SPOPL: variants seen among roughly 807,000 people sequenced by gnomAD.
SPOPL encodes the protein speckle type BTB/POZ protein like, also known as speckle-type POZ protein-like.
In SPOPL, 23 loss-of-function variants were observed where a neutral mutation model predicts 53.8. The observed-to-expected ratio is 0.43, with a 90% CI of 0.31 to 0.61. The LOEUF (loss-of-function observed/expected upper bound fraction) is 0.61, where lower values mean the gene tolerates loss of function less well. SPOPL is among the 20% of genes least tolerant of loss of function. SPOPL has a pLI of 0.12. For missense variants in SPOPL, 442 were observed against 466.9 expected (o/e 0.95, Z 0.49); for synonymous variants, 164 against 149.7 (o/e 1.10, Z -0.70).
At chr2:138,522,696 A>G (rs190551539) in intron 1 of SPOPL, among the ~76,000 whole-genome samples, 1 of 152,078 alleles carries the variant, frequency 6.6e-6, no homozygotes, top group Admixed American at 6.5e-5. Context: ...TCTTTTCTAT[A>G]GCAGTGGTGT....
At chr2:138,526,822 G>A (rs568233601) in intron 1 of SPOPL, among the ~76,000 whole-genome samples, 1 of 151,878 alleles carries the variant, frequency 6.6e-6, no homozygotes, top group African/African-American at 2.4e-5. Context: ...CACCTCCTGG[G>A]TTCAAACAAT....
chr2:138,518,682 CTT>C (rs1324953188), intron 1 of SPOPL, among the ~76,000 whole-genome samples: 1 of 152,164 alleles, frequency 6.6e-6, no homozygotes, highest in East Asian at 1.9e-4. Flanking sequence ...ATCAATCTGT[CTT>C]TTTCCAACTG....
chr2:138,516,489 G>T (rs1283090873), intron 1 of SPOPL, among the ~76,000 whole-genome samples: 3 of 152,196 alleles, frequency 2.0e-5, no homozygotes, highest in African/African-American at 7.2e-5. Flanking sequence ...GGAAAAGATT[G>T]CTATAATGTT....
At chr2:138,514,666 T>C (rs1439952037) in intron 1 of SPOPL, among the ~76,000 whole-genome samples, 1 of 152,182 alleles carries the variant, frequency 6.6e-6, no homozygotes, top group Non-Finnish European at 1.5e-5. Flanking sequence ...AATATCCTTG[T>C]ATTCCTGTCT....
At chr2:138,527,606 A>G (rs1280374414) in intron 1 of SPOPL, among the ~76,000 whole-genome samples, 4 of 152,192 alleles carry the variant, frequency 2.6e-5, no homozygotes, top group African/African-American at 7.2e-5. Context: ...GAAATTTTTT[A>G]AAAGTATACC....
rs771822816 is a variant in SPOPL, at chr2:138,570,808, G to A, written c.*1728G>A. The A allele has an allele frequency of 4.6e-5, 7 of 152,040 alleles. No individual in the cohort carries two copies. The highest frequency in any genetic ancestry group is 1.0e-4 in the Non-Finnish European group (7 of 67,982). The allele number at this position is 152,040 out of a possible 1,614,324, so 9.4% of individuals were successfully genotyped here. Reference sequence around the variant, plus strand: ...ATTCGAATATGTCCAGATTCATTTGGATTCATATTTACATTGAAAAAACTC... The same window carrying A: ...ATTCGAATATGTCCAGATTCATTTGAATTCATATTTACATTGAAAAAACTC... On this transcript the variant is annotated 3_prime_UTR_variant, in exon 11 of 11. Transcript: ENST00000280098.
At chr2:138,523,689 A>T (rs1479345378) in intron 1 of SPOPL, among the ~76,000 whole-genome samples, 1 of 152,320 alleles carries the variant, frequency 6.6e-6, no homozygotes, top group African/African-American at 2.4e-5. Context: ...CCAGGCCCCC[A>T]TGCAAATTCA....
At chr2:138,506,905 A>G (rs996932577) in intron 1 of SPOPL, among the ~76,000 whole-genome samples, 3 of 152,272 alleles carry the variant, frequency 2.0e-5, no homozygotes, top group Admixed American at 2.0e-4. Flanking sequence ...AGCCCTATGA[A>G]TCTTTCACAT....
intron 1 of SPOPL, among the ~76,000 whole-genome samples, chr2:138,536,330 A>G (rs1420528074): frequency 3.4e-5 from 5 of 146,424 alleles, no homozygotes; most frequent in Admixed American, 7.0e-5. Context: ...AGTGGAGTCT[A>G]TTTAGTGCCC....
chr2:138,549,681 T>C (rs2104890868), intron 1 of SPOPL, among the ~76,000 whole-genome samples: 1 of 152,270 alleles, frequency 6.6e-6, no homozygotes, highest in East Asian at 1.9e-4. Context: ...GAGTATTCAT[T>C]GCCTGTTACA....
intron 1 of SPOPL, among the ~76,000 whole-genome samples, chr2:138,541,797 C>G (rs1558872596): frequency 2.0e-5 from 3 of 152,110 alleles, no homozygotes; most frequent in Non-Finnish European, 4.4e-5. Context: ...TGTGTTTGCT[C>G]TTGCTTTTCT....
At chr2:138,534,011 TA>T (rs1684874106) in intron 1 of SPOPL, among the ~76,000 whole-genome samples, 2 of 152,162 alleles carry the variant, frequency 1.3e-5, no homozygotes, top group African/African-American at 4.8e-5. Context: ...TGATTTTTTT[TA>T]ACCCTACTTT....
chr2:138,517,321 C>T (rs966868966), intron 1 of SPOPL, among the ~76,000 whole-genome samples: 1 of 152,166 alleles, frequency 6.6e-6, no homozygotes, highest in Non-Finnish European at 1.5e-5. Flanking sequence ...AATTATTACA[C>T]CTCTGATCTC....
chr2:138,515,747 A>G (rs1310715045), intron 1 of SPOPL, among the ~76,000 whole-genome samples: 1 of 151,986 alleles, frequency 6.6e-6, no homozygotes, highest in Non-Finnish European at 1.5e-5. Context: ...CTTTTAAGAT[A>G]TGCACATCGA....
At chr2:138,542,971 A>G (rs1301862640) in intron 1 of SPOPL, among the ~76,000 whole-genome samples, 2 of 152,056 alleles carry the variant, frequency 1.3e-5, no homozygotes, top group Non-Finnish European at 2.9e-5. Flanking sequence ...TCTGTAAAGG[A>G]TGTTATTTAT....
chr2:138,515,146 G>A (rs73959455), intron 1 of SPOPL, among the ~76,000 whole-genome samples: 3,428 of 152,226 alleles, frequency 0.023, 136 homozygotes, highest in African/African-American at 0.078. Context: ...TTATAGCTCC[G>A]CAGTGTAGTT....
chr2:138,520,232 T>G (rs1438969231), intron 1 of SPOPL, among the ~76,000 whole-genome samples: 2 of 152,366 alleles, frequency 1.3e-5, no homozygotes, highest in Admixed American at 6.5e-5. Context: ...TTCTGATTCC[T>G]TCTGTCTTTT....
In SPOPL at chr2:138,517,227, TG is replaced by T. The variant is rs1471857931; in HGVS notation, c.-61+15111del. ...TTCTTGATGGATTATAGAGGGTGGT[TG>T]GGATGTTAGAGAGAATATTCTTGAT... is the stretch of plus-strand genomic sequence containing the variant. On this transcript the variant is annotated intron_variant, in intron 1 of 10. Coordinates refer to ENST00000280098, the MANE Select transcript of SPOPL (RefSeq NM_001001664.3). Among the ~76,000 whole-genome samples the T allele has an allele frequency of 6.6e-5, 10 of 152,194 alleles. No individual in the cohort carries two copies. In the East Asian group the frequency reaches 1.9e-3, roughly 29 times the overall value.
intron 1 of SPOPL, among the ~76,000 whole-genome samples, chr2:138,523,199 C>G (rs182257986): frequency 3.3e-4 from 51 of 152,250 alleles, no homozygotes; most frequent in Non-Finnish European, 6.0e-4. Flanking sequence ...TGGCAGAAGG[C>G]ACATCTCACA....
Sources: gnomAD v4.1 joint callset for allele counts (sites outside exome capture counted in the v4.1 genomes callset) on GRCh38, gnomAD v4.1.1 for gene constraint, MANE v1.5 for transcripts, NCBI Gene and HGNC (gene_info 2026-07-23, HGNC 2026-07-21) for gene names.